The following KIAA0040 variants were observed in gnomAD, a reference collection of about 807,000 sequenced individuals.
The protein encoded by KIAA0040 is uncharacterized protein KIAA0040.
Under a neutral mutation model 7.2 loss-of-function variants are expected in KIAA0040, and 10 were observed. That is an observed-to-expected ratio of 1.38 (90% CI 0.85 to 2.34). The LOEUF is 2.34. Ranked by LOEUF, KIAA0040 falls within the 30% of genes most tolerant of loss-of-function variation. The pLI, the probability that KIAA0040 is intolerant of heterozygous loss-of-function variation, is 0.00. For missense variants in KIAA0040, 89 were observed against 108.2 expected, an observed-to-expected ratio of 0.82 and a Z score of 0.79; for synonymous variants, 49 against 40.1, an observed-to-expected ratio of 1.22 and a Z score of -0.84.
rs1676460500 is a variant in KIAA0040 at position 175,159,944 on chromosome 1, C to T, written c.*770G>A. ...CAGTGGCAATGAGGACGGACTTTGT[C>T]ATGAGTTACAAGAAAAGAGCTTTCA... On this transcript the variant is annotated 3_prime_UTR_variant, in exon 4 of 4. Transcript: ENST00000423313. 1 of 153,256 alleles carries T rather than the reference C, an allele frequency of 6.5e-6. No homozygotes were observed. The highest frequency in any genetic ancestry group is 2.4e-5 in the African/African-American group (1 of 41,434). The allele number at this position is 153,256 out of a possible 1,614,324, so 9.5% of individuals were successfully genotyped here. A position where few individuals can be genotyped will look rare whatever the true frequency, so the allele number is the denominator to read the frequency against.
rs1274702103 is a variant in KIAA0040, at chr1:175,158,917, AG to A, written c.*1796del. 5 of 152,234 alleles carry A rather than the reference AG, an allele frequency of 3.3e-5. No homozygotes were observed. Among genetic ancestry groups the A allele is most frequent in the Non-Finnish European group, 7.3e-5 (5 of 68,042 alleles). 9.4% of individuals were successfully genotyped at this position (152,234 alleles called of 1,614,324 possible). On this transcript the variant is annotated 3_prime_UTR_variant, in exon 4 of 4. Transcript: ENST00000423313. ...CTCCACAGGCCTAAAGTACACCTGG[AG>A]GGCAGGTGAGTACCAAGCAGCCCAA...
chr1:175,161,944 A>G (rs1479403579), intron 3 of KIAA0040, among the ~76,000 whole-genome samples: 3 of 152,004 alleles, frequency 2.0e-5, no homozygotes, highest in Admixed American at 6.5e-5. Flanking sequence ...TTTCTTCTCT[A>G]TGGGAGAGGA....
intron 1 of KIAA0040, among the ~76,000 whole-genome samples, chr1:175,188,381 GGAT>G (rs1677745489): frequency 6.6e-6 from 1 of 152,152 alleles, no homozygotes; most frequent in Non-Finnish European, 1.5e-5. Context: ...CTGGCCCTGG[GGAT>G]TGTCTTTCAA....
At chr1:175,185,221 A>T (rs1440564787) in intron 1 of KIAA0040, among the ~76,000 whole-genome samples, 2 of 152,210 alleles carry the variant, frequency 1.3e-5, no homozygotes, top group Non-Finnish European at 2.9e-5. Context: ...AATCCAAAAC[A>T]TGTCTAATCC....
At position 175,167,109 on chromosome 1, in the gene KIAA0040, G is replaced by A. The variant is rs543747655; in HGVS notation, c.-309-372C>T. Among the ~76,000 whole-genome samples, 11 of 152,296 alleles carry A rather than the reference G, an allele frequency of 7.2e-5. 1 individual carries two copies. In the East Asian group the frequency reaches 1.9e-3, roughly 27 times the overall value. On this transcript the variant is annotated intron_variant, in intron 2 of 3. Coordinates refer to ENST00000423313, the MANE Select transcript of KIAA0040 (RefSeq NM_014656.3). ...AACAAGACCCCACGATGCTATGAAA[G>A]GGGAAACAGGGAGGTTAGGAAGGCT...
chr1:175,187,450 G>A (rs1343099446), intron 1 of KIAA0040, among the ~76,000 whole-genome samples: 1 of 152,158 alleles, frequency 6.6e-6, no homozygotes, highest in Non-Finnish European at 1.5e-5. Flanking sequence ...CATGCAGAGG[G>A]GCTTTTGAAA....
chr1:175,190,193 C>T (rs939020491), intron 1 of KIAA0040, among the ~76,000 whole-genome samples: 2 of 152,318 alleles, frequency 1.3e-5, no homozygotes, highest in South Asian at 4.1e-4. Context: ...ATCTATGTGC[C>T]ATGAACCCAG....
intron 1 of KIAA0040, among the ~76,000 whole-genome samples, chr1:175,178,611 C>T (rs1379330530): frequency 1.3e-5 from 2 of 152,186 alleles, no homozygotes; most frequent in African/African-American, 4.8e-5. Flanking sequence ...AAGAAGTGTA[C>T]CAACTGGTTC....
At chr1:175,161,794 G>T (rs759859306) in intron 3 of KIAA0040, among the ~76,000 whole-genome samples, 64 of 152,192 alleles carry the variant, frequency 4.2e-4, no homozygotes, top group Admixed American at 6.5e-4. Flanking sequence ...TGCCTGAGAA[G>T]TCCTCTCCTC....
rs375988713 is a variant in KIAA0040, at chr1:175,160,532, T to C, written c.*182A>G. ...TAGCTGCCAAGACAGTATCCAAGAA[T>C]TGTCCACGTGGTCCCTGGGACTGCC... On this transcript the variant is annotated 3_prime_UTR_variant, in exon 4 of 4. Coordinates refer to ENST00000423313, the MANE Select transcript of KIAA0040 (RefSeq NM_014656.3). The C allele has an allele frequency of 4.9e-6, 3 of 617,720 alleles. No individual in the cohort carries two copies. Among genetic ancestry groups the C allele is most frequent in the South Asian group, 2.1e-5 (1 of 47,668 alleles). 38.3% of individuals were successfully genotyped at this position (617,720 alleles called of 1,614,324 possible). A position where few individuals can be genotyped will look rare whatever the true frequency, so the allele number is the denominator to read the frequency against.
At chr1:175,178,806 T>C (rs1310367038) in intron 1 of KIAA0040, among the ~76,000 whole-genome samples, 2 of 152,142 alleles carry the variant, frequency 1.3e-5, no homozygotes, top group African/African-American at 4.8e-5. Context: ...AATACTAATA[T>C]ATATGAGAGT....
In KIAA0040 at chr1:175,157,030, A is replaced by C. The variant is rs1571175432; in HGVS notation, c.*3684T>G. On this transcript the variant is annotated 3_prime_UTR_variant, in exon 4 of 4. Coordinates refer to ENST00000423313, the MANE Select transcript of KIAA0040 (RefSeq NM_014656.3). ...TTTTATTTCATTGCAATGAATTTAAATAGTCACATGTGGCTATTGGTACCA... is the reference window on the plus strand; with the variant it reads ...TTTTATTTCATTGCAATGAATTTAACTAGTCACATGTGGCTATTGGTACCA... 6.6e-6 allele frequency: 1 copy of C among 152,288 alleles called. No homozygotes were observed. The highest frequency in any genetic ancestry group is 2.1e-4 in the South Asian group (1 of 4,832). 9.4% of individuals were successfully genotyped at this position (152,288 alleles called of 1,614,324 possible). A position where few individuals can be genotyped will look rare whatever the true frequency, so the allele number is the denominator to read the frequency against.
At chr1:175,164,771 G>A (rs942526320) in intron 3 of KIAA0040, among the ~76,000 whole-genome samples, 9 of 152,126 alleles carry the variant, frequency 5.9e-5, no homozygotes, top group African/African-American at 2.2e-4. Flanking sequence ...TACTTGCTGA[G>A]CTCTGCTAAT....
chr1:175,175,639 A>G (rs1198611995), intron 2 of KIAA0040, among the ~76,000 whole-genome samples: 1 of 152,240 alleles, frequency 6.6e-6, no homozygotes, highest in Non-Finnish European at 1.5e-5. Context: ...ATGTCCATCA[A>G]TGATAGACTA....
At chr1:175,167,268 C>G (rs904049533) in intron 2 of KIAA0040, among the ~76,000 whole-genome samples, 1 of 151,862 alleles carries the variant, frequency 6.6e-6, no homozygotes, top group Non-Finnish European at 1.5e-5. Context: ...ATAGGCTTTT[C>G]TTCAACCCTC....
intron 2 of KIAA0040, among the ~76,000 whole-genome samples, chr1:175,167,022 C>G (rs1676790508): frequency 6.6e-6 from 1 of 152,132 alleles, no homozygotes; most frequent in African/African-American, 2.4e-5. Context: ...GGGAACCAAA[C>G]CAAACATTCA....
At chr1:175,188,981 G>C (rs532279272) in intron 1 of KIAA0040, among the ~76,000 whole-genome samples, 1 of 152,182 alleles carries the variant, frequency 6.6e-6, no homozygotes, top group African/African-American at 2.4e-5. Flanking sequence ...GATGGAACTT[G>C]GATTCTGGTC....
intron 2 of KIAA0040, among the ~76,000 whole-genome samples, chr1:175,176,992 C>T (rs989108170): frequency 6.6e-6 from 1 of 152,196 alleles, no homozygotes; most frequent in East Asian, 1.9e-4. Flanking sequence ...TTCCCTTAGC[C>T]TCATCCCCTC....
At chr1:175,173,108 C>G (rs1677051331) in intron 2 of KIAA0040, among the ~76,000 whole-genome samples, 1 of 152,204 alleles carries the variant, frequency 6.6e-6, no homozygotes, top group Admixed American at 6.5e-5. Flanking sequence ...TTTCCATTCA[C>G]TCCCAGGTGC....
Sources: gnomAD v4.1 joint callset for allele counts (sites outside exome capture counted in the v4.1 genomes callset) on GRCh38, gnomAD v4.1.1 for gene constraint, MANE v1.5 for transcripts, NCBI Gene and HGNC (gene_info 2026-07-23, HGNC 2026-07-21) for gene names.